Variants in BDP1 observed in about 807,000 individuals in gnomAD.
The protein encoded by BDP1 is BDP1 general transcription factor IIIB subunit.
A neutral mutation model predicts 266.6 loss-of-function variants in BDP1; 169 were observed. The observed-to-expected ratio is 0.63, with a 90% confidence interval of 0.56 to 0.72. BDP1 has a LOEUF of 0.72. Among genes scored for constraint, BDP1 ranks in the 30% least tolerant of loss-of-function variants. The pLI, the probability that BDP1 is intolerant of heterozygous loss-of-function variation, is 0.00. For synonymous variants in BDP1, 1,090 were observed against 1,022.4 expected, an observed-to-expected ratio of 1.07 and a Z score of -1.26; for missense variants, 3,015 against 3,053.8, an observed-to-expected ratio of 0.99 and a Z score of 0.30.
At chr5:71,463,439 T>G (rs140448073) in intron 3 of BDP1, among the ~76,000 whole-genome samples, 1 of 152,282 alleles carries the variant, frequency 6.6e-6, no homozygotes, top group African/African-American at 2.4e-5. Flanking sequence ...TTGAGTTGTT[T>G]AACATCCAGG....
chr5:71,473,262 A>ATT lies in BDP1; in HGVS notation c.1014+2802_1014+2803dup, dbSNP rs869174435. On this transcript the variant is annotated intron_variant, in intron 7 of 38. Coordinates refer to ENST00000358731, the MANE Select transcript of BDP1 (RefSeq NM_018429.3). ...TAATGAACCAACTTTTCTTAATGTA[A>ATT]TTTTTTTTTTTTTTTTTTTTTTTTT... Among the ~76,000 whole-genome samples the ATT allele has an allele frequency of 2.8e-3, 170 of 59,958 alleles. 23 individuals are homozygous for ATT. The highest frequency in any genetic ancestry group is 0.01 in the African/African-American group (151 of 14,430). The allele number at this position is 59,958 out of a possible 152,430, so 39.3% of individuals were successfully genotyped here. A position where few individuals can be genotyped will look rare whatever the true frequency, so the allele number is the denominator to read the frequency against.
At chr5:71,468,088 G>A (rs948817217) in intron 6 of BDP1, among the ~76,000 whole-genome samples, 14 of 151,756 alleles carry the variant, frequency 9.2e-5, no homozygotes, top group Middle Eastern at 3.2e-3. Flanking sequence ...GCACGATCTC[G>A]GCTCACTGCA....
intron 11 of BDP1, among the ~76,000 whole-genome samples, chr5:71,493,671 C>A (rs1184698932): frequency 1.3e-5 from 2 of 152,136 alleles, no homozygotes; most frequent in African/African-American, 4.8e-5. Context: ...TTAAAAAACA[C>A]CAACTTTGCA....
downstream of BDP1, among the ~76,000 whole-genome samples, chr5:71,572,490 C>T (rs535487952): frequency 3.3e-5 from 5 of 152,188 alleles, no homozygotes; most frequent in South Asian, 2.1e-4. Flanking sequence ...CTGCTGGCAG[C>T]GGATATAAGG....
Position 71,560,317 on chromosome 5 carries a change from T to C in BDP1, c.7496+80T>C, listed in dbSNP as rs112200932. The C allele has an allele frequency of 6.8e-4, 950 of 1,407,136 alleles. 5 individuals are homozygous for C. The African/African-American group carries it at 0.012, about 18-fold the overall frequency. The allele number at this position is 1,407,136 out of a possible 1,614,324, so 87.2% of individuals were successfully genotyped here. A position where few individuals can be genotyped will look rare whatever the true frequency, so the allele number is the denominator to read the frequency against. ...CCTATACAGAACAGATTAGATCCAG[T>C]ACTAAGGATGGTGTTTAATAAACAT... On this transcript the variant is annotated intron_variant, in intron 37 of 38. Coordinates refer to ENST00000358731, the MANE Select transcript of BDP1 (RefSeq NM_018429.3).
At chr5:71,545,767 G>C (rs888756827) in intron 32 of BDP1, among the ~76,000 whole-genome samples, 1 of 151,860 alleles carries the variant, frequency 6.6e-6, no homozygotes, top group Non-Finnish European at 1.5e-5. Context: ...ACATTATCCA[G>C]TTAAAGGGAG....
At position 71,542,108 on chromosome 5, in the gene BDP1, T is replaced by TA. The variant is rs1242038999; in HGVS notation, c.6256dup (p.Thr2086AsnfsTer4). On this transcript the variant is annotated frameshift_variant, in exon 30 of 39. Coordinates refer to ENST00000358731, the MANE Select transcript of BDP1 (RefSeq NM_018429.3). LOFTEE classifies it high-confidence loss of function. Reference sequence around the variant, plus strand: ...TTTCTCTATCTTCTGTTTTTAGGAATACAATTTCTAAAGTGACCAGTAATT... The same window carrying TA: ...TTTCTCTATCTTCTGTTTTTAGGAATAACAATTTCTAAAGTGACCAGTAATT... 6.3e-7 allele frequency: 1 copy of TA among 1,596,678 alleles called. No homozygotes were observed. Among genetic ancestry groups the TA allele is most frequent in the Non-Finnish European group, 8.5e-7 (1 of 1,174,390 alleles).
rs115177342 is a variant in BDP1 at position 71,463,396 on chromosome 5, G to A, written c.600-662G>A. 9.5e-3 allele frequency among the ~76,000 whole-genome samples: 1,439 copies of A among 152,200 alleles called. 27 individuals carry two copies. Among genetic ancestry groups the A allele is most frequent in the African/African-American group, 0.033 (1,356 of 41,506 alleles). ...CTTTTTCAGATTCACCAGGTCTTTG[G>A]CCCTGTTGAAGAAAGGGCCAGAAAC... On this transcript the variant is annotated intron_variant, in intron 3 of 38. Coordinates refer to ENST00000358731, the MANE Select transcript of BDP1 (RefSeq NM_018429.3).
At chr5:71,477,911 C>G (rs1328419151) in intron 7 of BDP1, among the ~76,000 whole-genome samples, 1 of 152,100 alleles carries the variant, frequency 6.6e-6, no homozygotes, top group Non-Finnish European at 1.5e-5. Context: ...AGCCACCATA[C>G]CTGGCCCAGA....
At chr5:71,514,310 T>C (rs1037848862) in intron 19 of BDP1, among the ~76,000 whole-genome samples, 6 of 152,222 alleles carry the variant, frequency 3.9e-5, no homozygotes, top group African/African-American at 1.4e-4. Flanking sequence ...AAGCTTATAT[T>C]CATAAAAGAT....
At position 71,456,069 on chromosome 5, in the gene BDP1, AG is replaced by A. The variant is rs1453105823; in HGVS notation, c.193del (p.Glu65LysfsTer87). ...TVDFGGAEPQ[E>X]KAPRSSTEKT... ...TCGATTTCGGTGGAGCGGAGCCCCA[AG>A]AAAAGGCTCCTAGGAGCAGGTAAGA... On this transcript the variant is annotated frameshift_variant, in exon 1 of 39. Coordinates refer to ENST00000358731, the MANE Select transcript of BDP1 (RefSeq NM_018429.3). LOFTEE classifies it high-confidence loss of function. 1.2e-6 allele frequency: 2 copies of A among 1,613,108 alleles called. No homozygotes were observed.
intron 21 of BDP1, 67 bp downstream of exon 21, chr5:71,516,338 A>G: frequency 8.2e-7 from 1 of 1,215,362 alleles, no homozygotes; most frequent in South Asian, 1.4e-5. Flanking sequence ...TATAGCTCAG[A>G]CATAGCTTAG....
Position 71,565,998 on chromosome 5 carries a change from TTA to T in BDP1, c.*1115_*1116del, listed in dbSNP as rs1381156608. ...ATTGTAGATAAAGAAGGCATTAAAT[TTA>T]TGTTTGTCTCCTTTTTCTGTTTAAT... On this transcript the variant is annotated 3_prime_UTR_variant, in exon 39 of 39. Transcript: ENST00000358731. 9.0e-6 allele frequency: 2 copies of T among 221,602 alleles called. No homozygotes were observed. The highest frequency in any genetic ancestry group is 4.7e-5 in the African/African-American group (2 of 42,708). 13.7% of individuals were successfully genotyped at this position (221,602 alleles called of 1,614,324 possible).
intron 7 of BDP1, among the ~76,000 whole-genome samples, chr5:71,473,564 C>T (rs1044067410): frequency 1.3e-5 from 2 of 151,992 alleles, no homozygotes; most frequent in Non-Finnish European, 2.9e-5. Context: ...TGAGCCACTG[C>T]GCCTGGCTTC....
intron 3 of BDP1, among the ~76,000 whole-genome samples, chr5:71,462,596 G>A (rs1286581309): frequency 2.0e-5 from 3 of 151,134 alleles, no homozygotes; most frequent in African/African-American, 7.3e-5. Context: ...TCTACAAAAA[G>A]TACAAAAATT....
At chr5:71,534,496 GTTT>G (rs35048742) in intron 26 of BDP1, among the ~76,000 whole-genome samples, 1 of 149,844 alleles carries the variant, frequency 6.7e-6, no homozygotes, top group African/African-American at 2.5e-5. Context: ...TTTGTAGTAA[GTTT>G]TTTTTTTGTT....
intron 19 of BDP1, among the ~76,000 whole-genome samples, chr5:71,514,713 C>T (rs191188390): frequency 2.0e-5 from 3 of 151,942 alleles, no homozygotes; most frequent in Admixed American, 6.6e-5. Flanking sequence ...TTGTCTTTTC[C>T]GGTGAGGGAG....
intron 10 of BDP1, among the ~76,000 whole-genome samples, chr5:71,490,636 TAA>T (rs1322987639): frequency 6.6e-6 from 1 of 152,220 alleles, no homozygotes; most frequent in Admixed American, 6.5e-5. Flanking sequence ...AAGTACTTAA[TAA>T]ATGATAGCTA....
At chr5:71,490,185 C>G (rs987852475) in intron 10 of BDP1, among the ~76,000 whole-genome samples, 3 of 152,054 alleles carry the variant, frequency 2.0e-5, no homozygotes, top group Non-Finnish European at 4.4e-5. Context: ...AGTCTTGGTC[C>G]CTTTCCTTAA....
Sources: allele counts gnomAD v4.1 joint callset (sites outside exome capture counted in the v4.1 genomes callset), GRCh38; gene constraint gnomAD v4.1.1; transcripts MANE v1.5; gene names NCBI Gene and HGNC (gene_info 2026-07-23, HGNC 2026-07-21).